Variants in FRAS1 observed in about 807,000 individuals in gnomAD.
The protein encoded by FRAS1 is Fraser extracellular matrix complex subunit 1.
Under a neutral mutation model 435.2 loss-of-function variants are expected in FRAS1, and 290 were observed. The observed-to-expected ratio is 0.67, with a 90% confidence interval of 0.61 to 0.73. The LOEUF (loss-of-function observed/expected upper bound fraction) is 0.73. FRAS1 is among the 30% of genes least tolerant of loss of function. The probability of loss-of-function intolerance (pLI) is 0.00; values close to 1 mark genes in which losing one functional copy is unlikely to be tolerated. For synonymous variants in FRAS1, 1,800 were observed against 1,851.0 expected (o/e 0.97, Z 0.71); for missense variants, 4,860 against 5,001.5 (o/e 0.97, Z 0.85).
intron 2 of FRAS1, among the ~76,000 whole-genome samples, chr4:78,075,126 G>T (rs182497166): frequency 6.6e-6 from 1 of 152,300 alleles, no homozygotes; most frequent in East Asian, 1.9e-4. Flanking sequence ...CCACCATCCT[G>T]GGGATAAGAA....
In FRAS1 at chr4:78,237,575, C is replaced by T; in HGVS notation, c.174C>T (p.Cys58=). 1 of 1,612,506 alleles carries T rather than the reference C, an allele frequency of 6.2e-7. No individual in the cohort carries two copies. Among genetic ancestry groups the T allele is most frequent in the Non-Finnish European group, 8.5e-7 (1 of 1,179,072 alleles). Reference sequence around the variant, plus strand: ...GTTGCCATGGTGATATTGTTATCTGCAAACCTGCTGTTTGCAGAAACCCTC... The same window carrying T: ...GTTGCCATGGTGATATTGTTATCTGTAAACCTGCTGTTTGCAGAAACCCTC... ...SCRCHGDIVI[C]KPAVCRNPQC... is the part of the protein sequence containing the mutation. The change falls in exon 3 of 74, where the codon TGC becomes TGT. Residue 58 remains cysteine, a synonymous_variant. Transcript: ENST00000512123.
intron 32 of FRAS1, among the ~76,000 whole-genome samples, chr4:78,413,528 T>A (rs1254964841): frequency 2.0e-5 from 3 of 152,182 alleles, no homozygotes; most frequent in Non-Finnish European, 2.9e-5. Flanking sequence ...CTGTCAATGC[T>A]GAATCCAGAA....
intron 26 of FRAS1, among the ~76,000 whole-genome samples, chr4:78,377,054 T>C (rs936102178): frequency 2.6e-5 from 4 of 152,136 alleles, no homozygotes; most frequent in Non-Finnish European, 2.9e-5. Flanking sequence ...TCCAACACAT[T>C]AGTGGACACG....
At chr4:78,433,480 T>C (rs2110391536) in intron 38 of FRAS1, among the ~76,000 whole-genome samples, 1 of 152,348 alleles carries the variant, frequency 6.6e-6, no homozygotes, top group Admixed American at 6.5e-5. Flanking sequence ...TACTTTTAAG[T>C]AACCCTTTTC....
intron 2 of FRAS1, among the ~76,000 whole-genome samples, chr4:78,153,706 A>G (rs1411201079): frequency 6.6e-6 from 1 of 152,296 alleles, no homozygotes; most frequent in East Asian, 1.9e-4. Flanking sequence ...AGTCTCCTAC[A>G]CTGTGTTCTT....
At chr4:78,519,562 C>A in intron 67 of FRAS1, 81 bp downstream of exon 67, 1 of 1,451,488 alleles carries the variant, frequency 6.9e-7, no homozygotes, top group Non-Finnish European at 9.4e-7. Flanking sequence ...TGACTTTTAA[C>A]AGTAGCTGCA....
intron 41 of FRAS1, among the ~76,000 whole-genome samples, chr4:78,445,224 C>T (rs1285166618): frequency 2.6e-5 from 4 of 152,208 alleles, no homozygotes; most frequent in African/African-American, 9.6e-5. Flanking sequence ...CCTAATAAAA[C>T]AACCAGTGGT....
intron 2 of FRAS1, among the ~76,000 whole-genome samples, chr4:78,114,795 C>G (rs1560529149): frequency 2.0e-5 from 3 of 152,380 alleles, no homozygotes; most frequent in South Asian, 4.1e-4. Flanking sequence ...GTGACTTCCT[C>G]TTTTCCTAAT....
intron 2 of FRAS1, among the ~76,000 whole-genome samples, chr4:78,216,308 G>A (rs1055036345): frequency 6.6e-6 from 1 of 152,174 alleles, no homozygotes; most frequent in African/African-American, 2.4e-5. Flanking sequence ...CAGTATGGAT[G>A]AATATAACTA....
At chr4:78,068,910 GC>G (rs1380475901) in intron 2 of FRAS1, among the ~76,000 whole-genome samples, 1 of 146,282 alleles carries the variant, frequency 6.8e-6, no homozygotes, top group Non-Finnish European at 1.5e-5. Context: ...CTCTCCACAT[GC>G]CCTAGCGTTA....
chr4:78,540,790 C>A lies in FRAS1; in HGVS notation c.11705C>A (p.Thr3902Asn). ...ELAVAASLSQ[T>N]GASIGSALAA... Reference sequence around the variant, plus strand: ...GCGGTAGCTGCGTCCCTGTCACAGACTGGGGCGTCCATTGGCAGTGCCCTG... The same window carrying A: ...GCGGTAGCTGCGTCCCTGTCACAGAATGGGGCGTCCATTGGCAGTGCCCTG... The change falls in exon 74 of 74, where the codon ACT (threonine) becomes AAT (asparagine). Residue 3902 changes from threonine (T) to asparagine (N), a missense_variant. Thr to Asn is a moderately conservative substitution (Grantham distance 65, BLOSUM62 0). Coordinates refer to ENST00000512123, the MANE Select transcript of FRAS1 (RefSeq NM_025074.7). The A allele has an allele frequency of 6.2e-7, 1 of 1,613,856 alleles. No homozygotes were observed. Among genetic ancestry groups the A allele is most frequent in the Non-Finnish European group, 8.5e-7 (1 of 1,179,782 alleles).
At position 78,515,340 on chromosome 4, in the gene FRAS1, G is replaced by A. The variant is rs1246864648; in HGVS notation, c.10175-459G>A. Among the ~76,000 whole-genome samples the A allele has an allele frequency of 1.1e-4, 9 of 84,508 alleles. 1 individual carries two copies. The highest frequency in any genetic ancestry group is 5.4e-4 in the East Asian group (2 of 3,670). The allele number at this position is 84,508 out of a possible 152,430, so 55.4% of individuals were successfully genotyped here. ...TATGCTGGCTTTTTTTTTTTTTTTT[G>A]AGATGGGGTCTCAAAAAAGAAATTT... On this transcript the variant is annotated intron_variant, in intron 65 of 73. Coordinates refer to ENST00000512123, the MANE Select transcript of FRAS1 (RefSeq NM_025074.7).
intron 9 of FRAS1, among the ~76,000 whole-genome samples, chr4:78,274,578 T>C (rs907317583): frequency 3.9e-5 from 6 of 152,224 alleles, no homozygotes; most frequent in African/African-American, 1.4e-4. Flanking sequence ...ATGTACCCTG[T>C]AGTCATTCAG....
intron 2 of FRAS1, among the ~76,000 whole-genome samples, chr4:78,197,808 G>T (rs1001040147): frequency 6.6e-6 from 1 of 152,112 alleles, no homozygotes; most frequent in Admixed American, 6.6e-5. Context: ...GGGCGTGGTG[G>T]TGGGCGCCTG....
rs151096845 is a variant in FRAS1 at position 78,503,029 on chromosome 4, A to G, written c.9316+3108A>G. On this transcript the variant is annotated intron_variant, in intron 61 of 73. Transcript: ENST00000512123. ...TGATGGATTACCTTTATTGATTTGC[A>G]TATGTTGAACCAACCTTGCATCCCA... Among the ~76,000 whole-genome samples, 1,376 of 152,282 alleles carry G rather than the reference A, an allele frequency of 9.0e-3. 17 individuals are homozygous for G. The highest frequency in any genetic ancestry group is 0.031 in the African/African-American group (1,306 of 41,566).
At chr4:78,158,951 C>T (rs757248820) in intron 2 of FRAS1, among the ~76,000 whole-genome samples, 48 of 152,144 alleles carry the variant, frequency 3.2e-4, no homozygotes, top group Non-Finnish European at 3.5e-4. Context: ...AATCAATAGA[C>T]ATTGCCTGGG....
intron 22 of FRAS1, among the ~76,000 whole-genome samples, chr4:78,368,584 T>G (rs1198891706): frequency 6.6e-6 from 1 of 152,178 alleles, no homozygotes; most frequent in Non-Finnish European, 1.5e-5. Flanking sequence ...TGACTAACAT[T>G]ACAAGGAACA....
chr4:78,393,130 C>T (rs1347497293), intron 29 of FRAS1, among the ~76,000 whole-genome samples: 1 of 151,798 alleles, frequency 6.6e-6, no homozygotes, highest in Non-Finnish European at 1.5e-5. Flanking sequence ...GGAAGCATCA[C>T]CACTATCCAG....
intron 2 of FRAS1, among the ~76,000 whole-genome samples, chr4:78,082,792 GA>G (rs35963626): frequency 0.67 from 101,787 of 151,992 alleles, 35,445 homozygotes; most frequent in East Asian, 0.88. Context: ...ATGATCAGCT[GA>G]AAACTTAATT....
Sources: allele counts gnomAD v4.1 joint callset (sites outside exome capture counted in the v4.1 genomes callset), GRCh38; gene constraint gnomAD v4.1.1; transcripts MANE v1.5; gene names NCBI Gene and HGNC (gene_info 2026-07-23, HGNC 2026-07-21).